EPS8: variants seen among roughly 807,000 people sequenced by gnomAD.
EPS8 encodes EGFR pathway substrate 8, signaling adaptor.
EPS8 carries 42 observed loss-of-function variants against 103.8 expected under a neutral mutation model. The ratio of observed to expected loss-of-function variants is 0.40; its 90% CI spans 0.32 to 0.52. The LOEUF is 0.52. Among genes scored for constraint, EPS8 ranks in the 20% least tolerant of loss-of-function variants. The pLI is 0.40. For synonymous variants in EPS8, 344 were observed against 344.6 expected, an observed-to-expected ratio of 1.00 and a Z score of 0.02; for missense variants, 969 against 1,005.1, an observed-to-expected ratio of 0.96 and a Z score of 0.49.
intron 3 of EPS8, among the ~76,000 whole-genome samples, chr12:15,674,895 T>C (rs1470114087): frequency 6.6e-6 from 1 of 152,066 alleles, no homozygotes; most frequent in Non-Finnish European, 1.5e-5. Context: ...AAATACACAC[T>C]GTAAATAAGG....
chr12:15,668,147 C>G (rs554198173), intron 6 of EPS8, among the ~76,000 whole-genome samples: 1 of 152,242 alleles, frequency 6.6e-6, no homozygotes, highest in East Asian at 1.9e-4. Flanking sequence ...TTATAATATA[C>G]TATGACTTTC....
rs1565530071 is a variant in EPS8 at position 15,751,629 on chromosome 12, G to C, written c.-22+37532C>G. ...ACTAGGGACATAGCAGTAAAAAAAGGGGGCAAGATTTTTTGCCTTTACAAA... is the reference window on the plus strand; with the variant it reads ...ACTAGGGACATAGCAGTAAAAAAAGCGGGCAAGATTTTTTGCCTTTACAAA... On this transcript the variant is annotated intron_variant, in intron 1 of 20. Transcript: ENST00000281172. This position sits in a 1 kb window ranked among gnomAD's most constrained non-coding sequence, Gnocchi z 4.3. Among the ~76,000 whole-genome samples, 1 of 152,010 alleles carries C rather than the reference G, an allele frequency of 6.6e-6. No homozygotes were observed. Among genetic ancestry groups the C allele is most frequent in the Non-Finnish European group, 1.5e-5 (1 of 68,014 alleles).
intron 16 of EPS8, 96 bp from the exon 17 acceptor site, chr12:15,640,942 CT>C: frequency 9.7e-7 from 1 of 1,026,842 alleles, no homozygotes; most frequent in South Asian, 1.5e-5. Context: ...TTTTCTACTT[CT>C]GATAATTAAC....
intron 12 of EPS8, among the ~76,000 whole-genome samples, chr12:15,655,573 C>A (rs944676635): frequency 6.6e-6 from 1 of 152,138 alleles, no homozygotes; most frequent in African/African-American, 2.4e-5. Flanking sequence ...GCCTATCTAG[C>A]ACAGTAATTT....
At chr12:15,666,287 C>G (rs565823508) in intron 7 of EPS8, among the ~76,000 whole-genome samples, 153 bp downstream of exon 7, 4 of 152,296 alleles carry the variant, frequency 2.6e-5, no homozygotes, top group Admixed American at 2.6e-4. Flanking sequence ...AACACACTGA[C>G]AAACTTGGGA....
intron 1 of EPS8, among the ~76,000 whole-genome samples, chr12:15,692,319 G>GTTTTTTTTTTTTTT (rs56016545): frequency 8.3e-6 from 1 of 120,320 alleles, no homozygotes; most frequent in African/African-American, 3.3e-5. Context: ...AAGAGGTTTG[G>GTTTTTTTTTTTTTT]TTTTTTTTTT....
At position 15,779,696 on chromosome 12, in the gene EPS8, T is replaced by G. The variant is rs563231017; in HGVS notation, c.-22+9465A>C. Among the ~76,000 whole-genome samples the G allele has an allele frequency of 3.9e-5, 6 of 152,314 alleles. No individual in the cohort carries two copies. The highest frequency in any genetic ancestry group is 1.4e-4 in the African/African-American group (6 of 41,570). On this transcript the variant is annotated intron_variant, in intron 1 of 20. Coordinates refer to ENST00000281172, the MANE Select transcript of EPS8 (RefSeq NM_004447.6). This position sits in a 1 kb window ranked among gnomAD's most constrained non-coding sequence, Gnocchi z 4.3. ...GTTTCTCCCTCATTTAAGTACAAACTTCTCTTCCTTCTATCAATCTTTTTT... is the reference window on the plus strand; with the variant it reads ...GTTTCTCCCTCATTTAAGTACAAACGTCTCTTCCTTCTATCAATCTTTTTT...
At chr12:15,644,259 G>A (rs1332866047) in intron 15 of EPS8, among the ~76,000 whole-genome samples, 4 of 152,234 alleles carry the variant, frequency 2.6e-5, no homozygotes, top group East Asian at 3.9e-4. Flanking sequence ...TATACCTCAC[G>A]TCCGTTTTCT....
intron 1 of EPS8, among the ~76,000 whole-genome samples, chr12:15,726,361 C>T (rs890533975): frequency 4.6e-5 from 7 of 152,020 alleles, no homozygotes; most frequent in African/African-American, 1.7e-4. Flanking sequence ...AAAATTCAGT[C>T]TCTGTGGTTG....
At chr12:15,657,368 C>T (rs918302920) in intron 12 of EPS8, among the ~76,000 whole-genome samples, 1 of 152,216 alleles carries the variant, frequency 6.6e-6, no homozygotes, top group African/African-American at 2.4e-5. Flanking sequence ...GTTTCCCACA[C>T]ACATAGACAC....
At chr12:15,712,990 T>C (rs1946487117) in intron 1 of EPS8, 1 of 985,438 alleles carries the variant, frequency 1.0e-6, no homozygotes, top group South Asian at 4.7e-5. Context: ...AGTTTCGGCA[T>C]TGTACTGTAC....
rs750309152 is a variant in EPS8 at position 15,665,791 on chromosome 12, G to A, written c.701C>T (p.Ala234Val). 4.3e-6 allele frequency: 7 copies of A among 1,613,402 alleles called. No individual in the cohort carries two copies. In the African/African-American group the frequency reaches 8.0e-5, roughly 18 times the overall value. ...GTCGGCTGCCCATGCAGACCAGGCT[G>A]CCACTCGACTTCTAACATCCACCTG... The part of the protein sequence containing the change: ...VTQVDVRSRV[A>V]AWSAWAADQG... Residue 234 changes from alanine (A) to valine (V), a missense_variant, in exon 8 of 21, where the codon GCA becomes GTA. Ala to Val is a moderately conservative substitution (Grantham distance 64, BLOSUM62 0). Coordinates refer to ENST00000281172, the MANE Select transcript of EPS8 (RefSeq NM_004447.6).
At chr12:15,622,106 T>A (rs979080563) in intron 20 of EPS8, among the ~76,000 whole-genome samples, 3 of 152,134 alleles carry the variant, frequency 2.0e-5, no homozygotes, top group Non-Finnish European at 2.9e-5. Context: ...ATGACAATAA[T>A]GATAGGCAGG....
intron 3 of EPS8, among the ~76,000 whole-genome samples, chr12:15,677,577 T>G (rs1945930909): frequency 6.6e-6 from 1 of 152,242 alleles, no homozygotes; most frequent in Admixed American, 6.5e-5. Context: ...AAATTAATTC[T>G]TGGAACATGA....
chr12:15,666,513 T>C lies in EPS8; in HGVS notation c.526A>G (p.Ile176Val). Residue 176 changes from isoleucine (I) to valine (V), a missense_variant, in exon 7 of 21, where the codon ATT (isoleucine) becomes GTT (valine). Coordinates refer to ENST00000281172, the MANE Select transcript of EPS8 (RefSeq NM_004447.6). The stretch of plus-strand genomic sequence containing the variant: ...ATTGCACTTTCAATATCTTCACTAA[T>C]TAGGTTTGCCTGCAAAGAGACACAA... ...FQCDEVKANL[I>V]SEDIESAISD... The C allele has an allele frequency of 1.9e-6, 3 of 1,613,526 alleles. No individual in the cohort carries two copies. The highest frequency in any genetic ancestry group is 2.5e-6 in the Non-Finnish European group (3 of 1,179,486).
chr12:15,630,759 A>G (rs1035362428), intron 18 of EPS8, among the ~76,000 whole-genome samples: 1 of 152,196 alleles, frequency 6.6e-6, no homozygotes, highest in African/African-American at 2.4e-5. Flanking sequence ...TAGTGACTGC[A>G]TATTACGTGT....
chr12:15,724,096 C>T (rs1285125037), intron 1 of EPS8, among the ~76,000 whole-genome samples: 1 of 152,042 alleles, frequency 6.6e-6, no homozygotes, highest in Admixed American at 6.6e-5. Flanking sequence ...GTCAGTGAAT[C>T]CTAAGGTTTA....
rs1464982752 is a variant in EPS8 at position 15,710,429 on chromosome 12, T to C, written c.-21-27457A>G. 2.6e-5 allele frequency among the ~76,000 whole-genome samples: 4 copies of C among 152,272 alleles called. No homozygotes were observed. In the East Asian group the frequency reaches 7.7e-4, roughly 29 times the overall value. On this transcript the variant is annotated intron_variant, in intron 1 of 20. Transcript: ENST00000281172. ...CTCTTGAACAAATGTTGATACAAAA[T>C]CTAAGACAAGCTTAAGAAACTCACA...
Position 15,665,623 on chromosome 12 carries a change from G to A in EPS8, c.736+133C>T, listed in dbSNP as rs368945683. The A allele has an allele frequency of 2.5e-5, 27 of 1,069,698 alleles. No individual in the cohort carries two copies. In the East Asian group the frequency reaches 3.9e-4, roughly 15 times the overall value. The allele number at this position is 1,069,698 out of a possible 1,614,324, so 66.3% of individuals were successfully genotyped here. On this transcript the variant is annotated intron_variant, in intron 8 of 20. Coordinates refer to ENST00000281172, the MANE Select transcript of EPS8 (RefSeq NM_004447.6). ...TGGGATTACAGGCATGAGCCACTGC[G>A]CCCGGCCAGAGTTGATTTTTTAAAA...
Sources: gnomAD v4.1 joint callset for allele counts (sites outside exome capture counted in the v4.1 genomes callset) on GRCh38, gnomAD v4.1.1 for gene constraint, Gnocchi (gnomAD v3.1) non-coding constraint, MANE v1.5 for transcripts, NCBI Gene and HGNC (gene_info 2026-07-23, HGNC 2026-07-21) for gene names.